KALRN: variants seen among roughly 807,000 people sequenced by gnomAD.
The protein encoded by KALRN is kalirin RhoGEF kinase, also known as kalirin.
In KALRN, 70 loss-of-function variants were observed where a neutral mutation model predicts 353.7. That is an observed-to-expected ratio of 0.20 (90% CI 0.16 to 0.24). The LOEUF is 0.24. Ranked by LOEUF, KALRN falls within the 10% of genes least tolerant of loss-of-function variation. KALRN has a pLI of 1.00. For synonymous variants in KALRN, 1,391 were observed against 1,434.8 expected (o/e 0.97, Z 0.69); for missense variants, 2,791 against 3,756.7 (o/e 0.74, Z 6.72).
chr3:124,434,376 G>A lies in KALRN; in HGVS notation c.2899G>A (p.Val967Met), dbSNP rs142259596. ...SALQVQQKAE[V>M]LLQAGHYDAD... Reference sequence around the variant, plus strand: ...CCTGCAGGTACAGCAGAAAGCCGAGGTGCTGCTCCAGGCCGGCCACTACGA... The same window carrying A: ...CCTGCAGGTACAGCAGAAAGCCGAGATGCTGCTCCAGGCCGGCCACTACGA... The change falls in exon 17 of 60, where the codon GTG becomes ATG. Residue 967 changes from valine to methionine, a missense_variant. Val to Met is a conservative substitution (Grantham distance 21). Coordinates refer to ENST00000682506, the MANE Select transcript of KALRN (RefSeq NM_001388419.1). 81 of 1,613,954 alleles carry A rather than the reference G, an allele frequency of 5.0e-5. No individual in the cohort carries two copies. The highest frequency in any genetic ancestry group is 1.7e-4 in the Middle Eastern group (1 of 5,880).
At chr3:124,146,382 C>T (rs926266663) in intron 1 of KALRN, among the ~76,000 whole-genome samples, 2 of 152,072 alleles carry the variant, frequency 1.3e-5, no homozygotes, top group Non-Finnish European at 2.9e-5. Flanking sequence ...TAAAATTGTA[C>T]TTTGCTGGTA....
At position 124,298,790 on chromosome 3, in the gene KALRN, G is replaced by C; in HGVS notation, c.970-1G>C. On this transcript the variant is annotated splice_acceptor_variant, in intron 5 of 59. Coordinates refer to ENST00000682506, the MANE Select transcript of KALRN (RefSeq NM_001388419.1). LOFTEE classifies it high-confidence loss of function. The stretch of plus-strand genomic sequence containing the variant: ...ATGCTGTGCCTTCTTGTCCTCTCTA[G>C]ATGTTTGACTGGATAAGCCACAACA... The C allele has an allele frequency of 6.2e-7, 1 of 1,614,122 alleles. No homozygotes were observed. Among genetic ancestry groups the C allele is most frequent in the South Asian group, 1.1e-5 (1 of 91,082 alleles).
At chr3:124,717,524 A>C (rs2063199144) in intron 59 of KALRN, 139 bp downstream of exon 59, 4 of 473,596 alleles carry the variant, frequency 8.4e-6, no homozygotes, top group Non-Finnish European at 1.4e-5. Flanking sequence ...GTCTCTACTA[A>C]AAATACAAAA....
chr3:124,569,599 C>A (rs2073292922), intron 34 of KALRN, among the ~76,000 whole-genome samples: 1 of 152,108 alleles, frequency 6.6e-6, no homozygotes, highest in Non-Finnish European at 1.5e-5. Context: ...AAGCAGTGGG[C>A]CTAAATTTGA....
chr3:124,448,492 T>G (rs2093912596), intron 21 of KALRN, among the ~76,000 whole-genome samples: 1 of 152,248 alleles, frequency 6.6e-6, no homozygotes, highest in African/African-American at 2.4e-5. Context: ...TCCAGCTGAA[T>G]GGATGTATTC....
intron 1 of KALRN, among the ~76,000 whole-genome samples, chr3:124,100,915 G>C (rs1037085313): frequency 6.6e-6 from 1 of 152,232 alleles, no homozygotes; most frequent in Non-Finnish European, 1.5e-5. Flanking sequence ...ATGGCAGCCA[G>C]AGTTGAGAAC....
intron 51 of KALRN, among the ~76,000 whole-genome samples, chr3:124,691,264 A>G (rs2061799962): frequency 6.6e-6 from 1 of 152,176 alleles, no homozygotes; most frequent in African/African-American, 2.4e-5. Flanking sequence ...CCCCGTCTCT[A>G]CTAAAAATAC....
chr3:124,473,507 G>A (rs572508853), intron 25 of KALRN, among the ~76,000 whole-genome samples: 1 of 152,114 alleles, frequency 6.6e-6, no homozygotes, highest in African/African-American at 2.4e-5. Flanking sequence ...TTCCTACTGA[G>A]ACAAAAAGTT....
chr3:124,445,687 A>T (rs2093814108), intron 19 of KALRN, among the ~76,000 whole-genome samples: 1 of 152,156 alleles, frequency 6.6e-6, no homozygotes. Context: ...AACATTGCTC[A>T]TGATGTGGGT....
intron 34 of KALRN, among the ~76,000 whole-genome samples, chr3:124,571,958 T>G (rs185020597): frequency 6.6e-6 from 1 of 152,024 alleles, no homozygotes; most frequent in East Asian, 1.9e-4. Flanking sequence ...CATATAAGCA[T>G]AGCATAAATA....
rs141552740 is a variant in KALRN at position 124,420,541 on chromosome 3, G to A, written c.2543-2271G>A. 2.6e-3 allele frequency among the ~76,000 whole-genome samples: 398 copies of A among 152,280 alleles called. 3 individuals carry two copies. Among genetic ancestry groups the A allele is most frequent in the Non-Finnish European group, 3.7e-3 (250 of 68,024 alleles). ...TCTTACTTTTGATTTCAGTCAAGGA[G>A]GTGCTCTACCTCATCCCCTTGGTAA... is the stretch of plus-strand genomic sequence containing the variant. On this transcript the variant is annotated intron_variant, in intron 14 of 59. Transcript: ENST00000682506.
intron 5 of KALRN, among the ~76,000 whole-genome samples, chr3:124,287,804 TA>T (rs2076065894): frequency 1.3e-4 from 3 of 23,564 alleles, no homozygotes; most frequent in Admixed American, 4.5e-4. Context: ...TATATATATA[TA>T]TATATATATA....
intron 1 of KALRN, among the ~76,000 whole-genome samples, chr3:124,187,749 A>G (rs1053952547): frequency 6.6e-6 from 1 of 152,200 alleles, no homozygotes; most frequent in Non-Finnish European, 1.5e-5. Flanking sequence ...TAAGTCTACA[A>G]TGTGGGGGTA....
intron 1 of KALRN, among the ~76,000 whole-genome samples, chr3:124,069,610 G>T (rs2042684154): frequency 6.6e-6 from 1 of 152,210 alleles, no homozygotes; most frequent in Non-Finnish European, 1.5e-5. Context: ...CTGTAGTAAA[G>T]TAAGAGAGTC....
intron 25 of KALRN, among the ~76,000 whole-genome samples, chr3:124,471,964 C>A (rs1231979664): frequency 1.1e-4 from 10 of 90,624 alleles, no homozygotes; most frequent in Admixed American, 4.2e-4. Flanking sequence ...GAGACTCCGT[C>A]TCAAAAAAAA....
At chr3:124,371,009 C>G (rs1170878451) in intron 10 of KALRN, among the ~76,000 whole-genome samples, 1 of 152,172 alleles carries the variant, frequency 6.6e-6, no homozygotes, top group African/African-American at 2.4e-5. Flanking sequence ...GGCATTGTCC[C>G]CATAAACTTT....
At chr3:124,442,129 C>A in intron 19 of KALRN, 70 bp downstream of exon 19, 1 of 817,964 alleles carries the variant, frequency 1.2e-6, no homozygotes, top group East Asian at 3.1e-5. Flanking sequence ...ACCATGTACC[C>A]AGTTTTCACA....
intron 1 of KALRN, among the ~76,000 whole-genome samples, chr3:124,190,308 C>T (rs563574171): frequency 6.6e-6 from 1 of 152,240 alleles, no homozygotes; most frequent in African/African-American, 2.4e-5. Context: ...TGATGTTCTC[C>T]CCAGTGGAGT....
rs1376153106 is a variant in KALRN at position 124,674,642 on chromosome 3, G to C, written c.7193+28G>C. 2.0e-6 allele frequency: 3 copies of C among 1,512,658 alleles called. No homozygotes were observed. The Admixed American group carries it at 7.0e-5, about 35-fold the overall frequency. The allele number at this position is 1,512,658 out of a possible 1,614,324, so 93.7% of individuals were successfully genotyped here. ...AAGTGCCTCGTTGGCTTCCCCGGGA[G>C]AGGAGTATGAGGATTAAAAATATTC... On this transcript the variant is annotated intron_variant, in intron 49 of 59. Transcript: ENST00000682506.
Sources: allele counts gnomAD v4.1 joint callset (sites outside exome capture counted in the v4.1 genomes callset), GRCh38; gene constraint gnomAD v4.1.1; transcripts MANE v1.5; gene names NCBI Gene and HGNC (gene_info 2026-07-23, HGNC 2026-07-21).